The following TLK1 variants were observed in gnomAD, a reference collection of about 807,000 sequenced individuals.
TLK1 encodes the protein serine/threonine-protein kinase tousled-like 1.
Under a neutral mutation model 105.3 loss-of-function variants are expected in TLK1, and 24 were observed. That is an observed-to-expected ratio of 0.23 (90% confidence interval 0.17 to 0.32). TLK1 has a LOEUF of 0.32. Among genes scored for constraint, TLK1 ranks in the 10% least tolerant of loss-of-function variants. The probability of loss-of-function intolerance (pLI) is 1.00; values close to 1 mark genes in which losing one functional copy is unlikely to be tolerated. For missense variants in TLK1, 558 were observed against 910.5 expected, an observed-to-expected ratio of 0.61 and a Z score of 4.98; for synonymous variants, 321 against 310.4, an observed-to-expected ratio of 1.03 and a Z score of -0.36.
chr2:171,226,480 T>A (rs575611462), intron 1 of TLK1, among the ~76,000 whole-genome samples: 1 of 152,300 alleles, frequency 6.6e-6, no homozygotes, highest in East Asian at 1.9e-4. Flanking sequence ...ATGAGGGCCA[T>A]GTTTTCCATA....
At chr2:171,013,242 A>T (rs894907764) in intron 13 of TLK1, among the ~76,000 whole-genome samples, 1 of 149,370 alleles carries the variant, frequency 6.7e-6, no homozygotes, top group Non-Finnish European at 1.5e-5. Flanking sequence ...CGAACTCCTA[A>T]CCTCAAGAGA....
At chr2:171,035,323 A>C in intron 11 of TLK1, among the ~76,000 whole-genome samples, 1 of 142,264 alleles carries the variant, frequency 7.0e-6, no homozygotes, top group Non-Finnish European at 1.5e-5. Flanking sequence ...GCCTGGGCAC[A>C]AGAGCAAAAC....
intron 10 of TLK1, among the ~76,000 whole-genome samples, chr2:171,048,868 C>T (rs1221421727): frequency 6.6e-6 from 1 of 152,150 alleles, no homozygotes; most frequent in African/African-American, 2.4e-5. Flanking sequence ...GCATTACTCC[C>T]CATTTTCAGG....
At chr2:171,072,816 C>A (rs1357153720) in intron 3 of TLK1, among the ~76,000 whole-genome samples, 1 of 150,852 alleles carries the variant, frequency 6.6e-6, no homozygotes, top group Admixed American at 6.6e-5. Context: ...GTAATCCCAG[C>A]TACTCAGAAG....
chr2:171,133,324 C>A (rs1414603756), intron 1 of TLK1, among the ~76,000 whole-genome samples: 1 of 152,128 alleles, frequency 6.6e-6, no homozygotes, highest in Non-Finnish European at 1.5e-5. Flanking sequence ...TGAATTCAGG[C>A]GCAGGCTCAT....
chr2:171,217,671 T>C (rs970947006), intron 1 of TLK1, among the ~76,000 whole-genome samples: 1 of 152,186 alleles, frequency 6.6e-6, no homozygotes, highest in African/African-American at 2.4e-5. Flanking sequence ...TGAAAGCTTA[T>C]AAAGGTACTT....
intron 2 of TLK1, among the ~76,000 whole-genome samples, chr2:171,095,357 T>C (rs561548929): frequency 6.6e-6 from 1 of 150,874 alleles, no homozygotes; most frequent in African/African-American, 2.4e-5. Flanking sequence ...GAAAACAAAA[T>C]TGACAAATCT....
intron 1 of TLK1, among the ~76,000 whole-genome samples, chr2:171,118,487 A>G (rs1299552382): frequency 3.9e-5 from 6 of 152,174 alleles, no homozygotes; most frequent in African/African-American, 1.4e-4. Flanking sequence ...TTAAGTTTCC[A>G]TCAGGTAAAT....
intron 1 of TLK1, among the ~76,000 whole-genome samples, chr2:171,217,496 C>T: frequency 6.6e-6 from 1 of 152,264 alleles, no homozygotes; most frequent in Middle Eastern, 3.4e-3. Flanking sequence ...TCCTTGCCCC[C>T]CTCTGGTGGA....
At chr2:171,087,357 A>G (rs1689026885) in intron 2 of TLK1, among the ~76,000 whole-genome samples, 1 of 152,188 alleles carries the variant, frequency 6.6e-6, no homozygotes, top group Non-Finnish European at 1.5e-5. Context: ...TTCACTCTCT[A>G]AAATAGAAAA....
Position 171,148,800 on chromosome 2 carries a change from A to G in TLK1, c.139+11490T>C, listed in dbSNP as rs570979640. 5.3e-5 allele frequency among the ~76,000 whole-genome samples: 8 copies of G among 151,256 alleles called. No individual in the cohort carries two copies. In the East Asian group the frequency reaches 1.6e-3, roughly 29 times the overall value. The stretch of plus-strand genomic sequence containing the variant: ...GAGGCTGAGATGTGAGAATCATTTG[A>G]ACCCTGGAGGCAGAGGATGCAGTGA... On this transcript the variant is annotated intron_variant, in intron 1 of 20. Transcript: ENST00000431350.
intron 1 of TLK1, among the ~76,000 whole-genome samples, chr2:171,156,081 T>TAAAAAAC (rs1185619882): frequency 2.6e-5 from 4 of 152,074 alleles, no homozygotes; most frequent in Admixed American, 2.0e-4. Context: ...GTCAGTAACT[T>TAAAAAAC]AAAAAACAAA....
At chr2:171,159,257 C>A (rs1177989542) in intron 1 of TLK1, among the ~76,000 whole-genome samples, 1 of 152,202 alleles carries the variant, frequency 6.6e-6, no homozygotes. Flanking sequence ...AGCCCGTCTA[C>A]CAATTGCGGA....
chr2:171,198,055 C>A (rs1693310140), intron 1 of TLK1, among the ~76,000 whole-genome samples: 1 of 152,068 alleles, frequency 6.6e-6, no homozygotes. Flanking sequence ...AGTAGATGGT[C>A]AATAAATGTT....
chr2:171,157,248 T>C (rs1330663898), intron 1 of TLK1, among the ~76,000 whole-genome samples: 1 of 152,200 alleles, frequency 6.6e-6, no homozygotes, highest in Non-Finnish European at 1.5e-5. Context: ...CATTCAAAAG[T>C]ACCCATGTAC....
chr2:171,138,463 C>G (rs926756987), intron 1 of TLK1, among the ~76,000 whole-genome samples: 1 of 152,114 alleles, frequency 6.6e-6, no homozygotes, highest in African/African-American at 2.4e-5. Context: ...GAGGACAGTA[C>G]GAAATAACGT....
chr2:171,064,135 C>T (rs1687882931), intron 3 of TLK1, among the ~76,000 whole-genome samples: 1 of 152,050 alleles, frequency 6.6e-6, no homozygotes, highest in Admixed American at 6.6e-5. Context: ...AACAAGTTTA[C>T]CTCCTTTAAA....
At chr2:171,193,436 G>C (rs1424858288) in intron 1 of TLK1, among the ~76,000 whole-genome samples, 20 of 147,022 alleles carry the variant, frequency 1.4e-4, no homozygotes, top group African/African-American at 4.8e-4. Flanking sequence ...CCGTTCTGTA[G>C]CCCAGGCTGG....
chr2:171,051,698 C>G (rs1558910082), intron 8 of TLK1, among the ~76,000 whole-genome samples: 1 of 152,010 alleles, frequency 6.6e-6, no homozygotes, highest in Non-Finnish European at 1.5e-5. Context: ...TACTAACAGC[C>G]AAAAACAACT....
Sources: allele counts gnomAD v4.1 joint callset (sites outside exome capture counted in the v4.1 genomes callset), GRCh38; gene constraint gnomAD v4.1.1; transcripts MANE v1.5; gene names NCBI Gene and HGNC (gene_info 2026-07-23, HGNC 2026-07-21).